SLC15A1: variants seen among roughly 807,000 people sequenced by gnomAD.
SLC15A1 encodes the protein solute carrier family 15 member 1.
A neutral mutation model predicts 92.9 loss-of-function variants in SLC15A1; 83 were observed. That is an observed-to-expected ratio of 0.89 (90% CI 0.75 to 1.07). The LOEUF is 1.07. SLC15A1 is among the 50% of genes least tolerant of loss of function. SLC15A1 has a pLI of 0.00. For missense variants in SLC15A1, 857 were observed against 880.1 expected, an observed-to-expected ratio of 0.97 and a Z score of 0.33; for synonymous variants, 322 against 318.2, an observed-to-expected ratio of 1.01 and a Z score of -0.13.
chr13:98,728,548 C>T lies in SLC15A1; in HGVS notation c.5-1689G>A, dbSNP rs2088320862. 3.3e-5 allele frequency among the ~76,000 whole-genome samples: 5 copies of T among 151,878 alleles called. No homozygotes were observed. The South Asian group carries it at 1.0e-3, about 32-fold the overall frequency. On this transcript the variant is annotated intron_variant, in intron 1 of 22. Coordinates refer to ENST00000376503, the MANE Select transcript of SLC15A1 (RefSeq NM_005073.4). ...TAGTAGTGGGTAGAATGGTGGTTAC[C>T]AGAGGATGGGAAGGGTAGGTGAAGG...
Position 98,736,938 on chromosome 13 carries a change from T to A in SLC15A1, c.5-10079A>T, listed in dbSNP as rs532376635. Among the ~76,000 whole-genome samples the A allele has an allele frequency of 4.3e-3, 658 of 152,320 alleles. 4 individuals carry two copies. Among genetic ancestry groups the A allele is most frequent in the South Asian group, 0.014 (67 of 4,824 alleles). Reference sequence around the variant, plus strand: ...ACCATTGTGGAAGACAGTGTGGCAATTCCTCAAGGATCTAGAACTAGAAAT... The same window carrying A: ...ACCATTGTGGAAGACAGTGTGGCAAATCCTCAAGGATCTAGAACTAGAAAT... On this transcript the variant is annotated intron_variant, in intron 1 of 22. Transcript: ENST00000376503.
At chr13:98,724,094 C>A in intron 4 of SLC15A1, 63 bp from the exon 5 acceptor site, 1 of 1,594,768 alleles carries the variant, frequency 6.3e-7, no homozygotes. Context: ...CTTTTGACTC[C>A]ACCACAAAAG....
intron 18 of SLC15A1, among the ~76,000 whole-genome samples, chr13:98,701,465 G>A (rs1283653008): frequency 1.3e-5 from 2 of 151,612 alleles, no homozygotes; most frequent in Non-Finnish European, 2.9e-5. Context: ...ATAAACAATT[G>A]TCATCTATAA....
chr13:98,725,605 GA>G (rs1439628223), intron 4 of SLC15A1, among the ~76,000 whole-genome samples: 1 of 152,154 alleles, frequency 6.6e-6, no homozygotes, highest in Non-Finnish European at 1.5e-5. Context: ...TTGCATTAGG[GA>G]AAAACAAAAA....
At position 98,726,354 on chromosome 13, in the gene SLC15A1, G is replaced by A. The variant is rs1265390712; in HGVS notation, c.103+14C>T. 6.2e-7 allele frequency: 1 copy of A among 1,614,154 alleles called. No homozygotes were observed. On this transcript the variant is annotated intron_variant, in intron 3 of 22. Coordinates refer to ENST00000376503, the MANE Select transcript of SLC15A1 (RefSeq NM_005073.4). ...GCTCTTCCCTGAAGGGTGAGAAACG[G>A]CCAATACAGTTACCTCGCATTCCAT...
chr13:98,720,763 T>A (rs1435799523), intron 7 of SLC15A1: 1 of 230,172 alleles, frequency 4.3e-6, no homozygotes. Context: ...AAAAAAACTT[T>A]GCCTTAGCCA....
At chr13:98,730,151 G>A (rs1350969707) in intron 1 of SLC15A1, among the ~76,000 whole-genome samples, 10 of 150,062 alleles carry the variant, frequency 6.7e-5, no homozygotes, top group East Asian at 2.0e-4. Context: ...AGCTGAAATC[G>A]CACCACTGCA....
At chr13:98,710,808 CAAAAAAAAAAAAA>C (rs4646225) in intron 11 of SLC15A1, among the ~76,000 whole-genome samples, 1 of 71,662 alleles carries the variant, frequency 1.4e-5, no homozygotes, top group African/African-American at 5.6e-5. Flanking sequence ...ACTCTTGACT[CAAAAAAAAAAAAA>C]AAAAAAAAAA....
At chr13:98,715,328 C>T (rs1176110614) in intron 9 of SLC15A1, among the ~76,000 whole-genome samples, 1 of 152,190 alleles carries the variant, frequency 6.6e-6, no homozygotes, top group Non-Finnish European at 1.5e-5. Context: ...GCACCCGCCA[C>T]CATGCCTGGC....
chr13:98,735,784 G>A (rs1196512713), intron 1 of SLC15A1, among the ~76,000 whole-genome samples: 1 of 152,100 alleles, frequency 6.6e-6, no homozygotes. Flanking sequence ...CAACTTACAA[G>A]GGATGTAAAG....
chr13:98,706,003 G>A (rs2088109644), intron 16 of SLC15A1, 131 bp downstream of exon 16: 1 of 918,198 alleles, frequency 1.1e-6, no homozygotes, highest in Non-Finnish European at 1.6e-6. Context: ...GCCAACATGA[G>A]ATCAAGATCC....
intron 5 of SLC15A1, among the ~76,000 whole-genome samples, chr13:98,722,265 C>T (rs1485281837): frequency 1.3e-5 from 2 of 152,096 alleles, no homozygotes; most frequent in Admixed American, 6.5e-5. Flanking sequence ...CAGTCATAAC[C>T]GACTCATAAT....
At chr13:98,722,602 T>A (rs1294007007) in intron 5 of SLC15A1, among the ~76,000 whole-genome samples, 1 of 152,206 alleles carries the variant, frequency 6.6e-6, no homozygotes, top group African/African-American at 2.4e-5. Context: ...GTTGCTAATG[T>A]TGCTTTTAAA....
intron 22 of SLC15A1, among the ~76,000 whole-genome samples, 190 bp downstream of exon 22, chr13:98,685,998 AAG>A (rs1259005108): frequency 2.5e-3 from 285 of 114,292 alleles, no homozygotes; most frequent in African/African-American, 8.2e-3. Context: ...AAAAAAAAAA[AAG>A]AAGAAGAAGA....
In SLC15A1 at chr13:98,715,498, AG is replaced by A. The variant is rs1939524666; in HGVS notation, c.723+379del. Among the ~76,000 whole-genome samples the A allele has an allele frequency of 7.2e-5, 11 of 152,198 alleles. 1 individual carries two copies. The South Asian group carries it at 2.3e-3, about 31-fold the overall frequency. On this transcript the variant is annotated intron_variant, in intron 9 of 22. Transcript: ENST00000376503. The stretch of plus-strand genomic sequence containing the variant: ...TATTTTCTTACTCTTAATTCTTGAA[AG>A]CAGCATGACTGACTTGAAGCAACTG...
At chr13:98,713,829 T>C (rs1375570088) in intron 9 of SLC15A1, among the ~76,000 whole-genome samples, 4 of 151,944 alleles carry the variant, frequency 2.6e-5, no homozygotes, top group Admixed American at 2.6e-4. Flanking sequence ...GGCGGATCAC[T>C]TGAGACCAGG....
intron 18 of SLC15A1, among the ~76,000 whole-genome samples, chr13:98,700,989 T>A (rs1033774978): frequency 2.0e-5 from 3 of 152,236 alleles, no homozygotes; most frequent in African/African-American, 7.2e-5. Context: ...TAATTCTTTT[T>A]CAAAATTATT....
At chr13:98,714,059 GAAAAAA>G (rs56096468) in intron 9 of SLC15A1, among the ~76,000 whole-genome samples, 2 of 134,454 alleles carry the variant, frequency 1.5e-5, no homozygotes, top group African/African-American at 2.7e-5. Flanking sequence ...TCTCAAAAAG[GAAAAAA>G]AAAAAAAAAA....
intron 15 of SLC15A1, among the ~76,000 whole-genome samples, chr13:98,707,891 T>TTTTAAAAA (rs1315915894): frequency 1.9e-5 from 2 of 106,852 alleles, no homozygotes; most frequent in African/African-American, 4.0e-5. Flanking sequence ...AGACCCTGTT[T>TTTTAAAAA]AAAAAAAAAA....
Sources: gnomAD v4.1 joint callset for allele counts (sites outside exome capture counted in the v4.1 genomes callset) on GRCh38, gnomAD v4.1.1 for gene constraint, MANE v1.5 for transcripts, NCBI Gene and HGNC (gene_info 2026-07-23, HGNC 2026-07-21) for gene names.